The following SYCP1 variants were observed in gnomAD, a reference collection of about 807,000 sequenced individuals.
SYCP1 encodes synaptonemal complex protein 1, also known as cancer/testis antigen 8.
In SYCP1, 64 loss-of-function variants were observed where a neutral mutation model predicts 153.1. The observed-to-expected ratio is 0.42, with a 90% CI of 0.34 to 0.51. The LOEUF (loss-of-function observed/expected upper bound fraction) is 0.51, where lower values mean the gene tolerates loss of function less well. Among genes scored for constraint, SYCP1 ranks in the 20% least tolerant of loss-of-function variants. The pLI, the probability that SYCP1 is intolerant of heterozygous loss-of-function variation, is 0.06. For missense variants in SYCP1, 997 were observed against 1,049.0 expected, an observed-to-expected ratio of 0.95 and a Z score of 0.68; for synonymous variants, 384 against 341.8, an observed-to-expected ratio of 1.12 and a Z score of -1.36.
chr1:114,969,583 C>CA (rs958579365), intron 27 of SYCP1, among the ~76,000 whole-genome samples: 2 of 152,156 alleles, frequency 1.3e-5, no homozygotes, highest in Non-Finnish European at 2.9e-5. Context: ...TGTTGGGCTC[C>CA]ATGGGGATGG....
chr1:114,995,064 TATAGTTA>T lies in SYCP1; in HGVS notation c.*49_*55del. 6.7e-7 allele frequency: 1 copy of T among 1,495,002 alleles called. No homozygotes were observed. Among genetic ancestry groups the T allele is most frequent in the Non-Finnish European group, 8.9e-7 (1 of 1,123,164 alleles). The allele number at this position is 1,495,002 out of a possible 1,614,324, so 92.6% of individuals were successfully genotyped here. On this transcript the variant is annotated 3_prime_UTR_variant, in exon 32 of 32. Coordinates refer to ENST00000369522, the MANE Select transcript of SYCP1 (RefSeq NM_003176.4). ...TTAAGGAGCCTAATAACGTGAAACT[TATAGTTA>T]ATATTTTGTTCTTATTTGCCAGAGC...
At chr1:114,873,852 C>T (rs1463727928) in intron 8 of SYCP1, among the ~76,000 whole-genome samples, 2 of 152,130 alleles carry the variant, frequency 1.3e-5, no homozygotes, top group Admixed American at 6.5e-5. Flanking sequence ...ATGTTTCAGC[C>T]TTCTGAGTAG....
chr1:114,892,483 G>A (rs1161318700), intron 15 of SYCP1, among the ~76,000 whole-genome samples: 2 of 152,228 alleles, frequency 1.3e-5, no homozygotes, highest in Non-Finnish European at 2.9e-5. Context: ...GCTGGGGGCA[G>A]TGAGGTTGCT....
In SYCP1 at chr1:114,911,496, G is replaced by A; in HGVS notation, c.1443G>A (p.Leu481=). 6.4e-7 allele frequency: 1 copy of A among 1,551,980 alleles called. No individual in the cohort carries two copies. The highest frequency in any genetic ancestry group is 8.7e-7 in the Non-Finnish European group (1 of 1,155,060). The stretch of plus-strand genomic sequence containing the variant: ...TTTTGCAGAAAGAAGTACATGATTT[G>A]GAAATACAGTTAACTGCCATTACCA... The part of the protein sequence containing the change: ...LQAREKEVHD[L]EIQLTAITTS... The change falls in exon 18 of 32, where the codon TTG becomes TTA. Residue 481 remains leucine, a synonymous_variant. Transcript: ENST00000369522.
At chr1:114,964,926 A>C (rs990471245) in intron 27 of SYCP1, among the ~76,000 whole-genome samples, 2 of 152,188 alleles carry the variant, frequency 1.3e-5, no homozygotes, top group African/African-American at 4.8e-5. Flanking sequence ...TGATGGGGAT[A>C]GCATTGAATC....
chr1:114,900,781 T>C (rs1259651640), intron 16 of SYCP1, among the ~76,000 whole-genome samples: 1 of 152,220 alleles, frequency 6.6e-6, no homozygotes, highest in African/African-American at 2.4e-5. Flanking sequence ...AGGGTGTGGT[T>C]AGTTCCATAT....
rs887478770 is a variant in SYCP1, at chr1:114,897,217, G to T, written c.1320+1708G>T. 1.1e-4 allele frequency among the ~76,000 whole-genome samples: 16 copies of T among 152,270 alleles called. No individual in the cohort carries two copies. The East Asian group carries it at 3.1e-3, about 29-fold the overall frequency. ...TTGCTTCCTGCTGACAGGAGGTGCT[G>T]TTTTGGGAAAACAGCAGTCAGATCT... is the stretch of plus-strand genomic sequence containing the variant. On this transcript the variant is annotated intron_variant, in intron 16 of 31. Transcript: ENST00000369522.
At chr1:114,973,278 G>C (rs1330552041) in intron 27 of SYCP1, among the ~76,000 whole-genome samples, 4 of 152,034 alleles carry the variant, frequency 2.6e-5, no homozygotes, top group Non-Finnish European at 5.9e-5. Flanking sequence ...TTTATGTCTA[G>C]TATGTTCTGT....
chr1:114,945,544 G>A (rs971938435), intron 25 of SYCP1, among the ~76,000 whole-genome samples: 5 of 151,366 alleles, frequency 3.3e-5, no homozygotes, highest in Admixed American at 1.3e-4. Flanking sequence ...TATTATGAGG[G>A]AAGTGGTGAG....
At chr1:114,980,890 CT>C (rs1030990638) in intron 28 of SYCP1, among the ~76,000 whole-genome samples, 11 of 151,814 alleles carry the variant, frequency 7.2e-5, no homozygotes, top group Admixed American at 3.9e-4. Context: ...GGTATTAAAC[CT>C]ATACCCGTTA....
At chr1:114,936,878 G>T (rs908142244) in intron 23 of SYCP1, among the ~76,000 whole-genome samples, 6 of 152,068 alleles carry the variant, frequency 3.9e-5, no homozygotes, top group African/African-American at 1.4e-4. Flanking sequence ...ACAAACCACT[G>T]CTCAACAAAA....
At chr1:114,985,325 A>T (rs901954288) in intron 30 of SYCP1, among the ~76,000 whole-genome samples, 1 of 152,078 alleles carries the variant, frequency 6.6e-6, no homozygotes, top group Admixed American at 6.6e-5. Flanking sequence ...TAACATTTCC[A>T]TCACTCTAAA....
chr1:114,903,579 C>T (rs1428196632), intron 16 of SYCP1, among the ~76,000 whole-genome samples: 1 of 152,154 alleles, frequency 6.6e-6, no homozygotes, highest in Non-Finnish European at 1.5e-5. Flanking sequence ...AATTCATGGC[C>T]TTGTAAATCA....
intron 13 of SYCP1, 134 bp from the exon 14 acceptor site, chr1:114,885,991 A>G (rs1245441930): frequency 5.4e-6 from 3 of 558,904 alleles, no homozygotes; most frequent in Non-Finnish European, 8.9e-6. Context: ...TGGGCATTCC[A>G]GGGTAGGAAG....
rs1664169781 is a variant in SYCP1 at position 114,858,605 on chromosome 1, A to C, written c.350A>C (p.Lys117Thr). The C allele has an allele frequency of 6.2e-7, 1 of 1,612,974 alleles. No individual in the cohort carries two copies. Among genetic ancestry groups the C allele is most frequent in the Non-Finnish European group, 8.5e-7 (1 of 1,179,434 alleles). Residue 117 changes from lysine to threonine, a missense_variant, in exon 6 of 32, where the codon AAA (lysine) becomes ACA (threonine). This residue lies in a region of SYCP1 where 285 missense variants were observed against 366.1 expected (regional missense o/e 0.78). Transcript: ENST00000369522. Reference sequence around the variant, plus strand: ...CTGTATAAGGAGGCTGAAAAGATAAAAAAATGGAAAGTAAGTACAGAAGCT... The same window carrying C: ...CTGTATAAGGAGGCTGAAAAGATAACAAAATGGAAAGTAAGTACAGAAGCT... ...SKLYKEAEKI[K>T]KWKVSTEAEL...
At position 114,886,319 on chromosome 1, in the gene SYCP1, T is replaced by G. The variant is rs1666298829; in HGVS notation, c.1190+10T>G. 1 of 1,499,736 alleles carries G rather than the reference T, an allele frequency of 6.7e-7. No homozygotes were observed. Among genetic ancestry groups the G allele is most frequent in the Non-Finnish European group, 8.9e-7 (1 of 1,125,376 alleles). The allele number at this position is 1,499,736 out of a possible 1,614,324, so 92.9% of individuals were successfully genotyped here. A position where few individuals can be genotyped will look rare whatever the true frequency, so the allele number is the denominator to read the frequency against. ...GAACAGAACAGCAAAGGTAAAATAT[T>G]TATTATTTTTAATACACAAAATAAG... On this transcript the variant is annotated intron_variant, in intron 14 of 31. Coordinates refer to ENST00000369522, the MANE Select transcript of SYCP1 (RefSeq NM_003176.4).
At chr1:114,872,823 C>T (rs1297641722) in intron 8 of SYCP1, among the ~76,000 whole-genome samples, 1 of 151,940 alleles carries the variant, frequency 6.6e-6, no homozygotes, top group Non-Finnish European at 1.5e-5. Context: ...CTCATTTCTT[C>T]GTTTTATTTT....
chr1:114,866,773 T>A (rs1664773846), intron 8 of SYCP1, among the ~76,000 whole-genome samples: 3 of 151,760 alleles, frequency 2.0e-5, no homozygotes, highest in African/African-American at 7.3e-5. Flanking sequence ...AAAAAAGTCA[T>A]CGTGATACCC....
At chr1:114,958,303 G>A (rs1459896912) in intron 27 of SYCP1, among the ~76,000 whole-genome samples, 1 of 152,098 alleles carries the variant, frequency 6.6e-6, no homozygotes, top group African/African-American at 2.4e-5. Context: ...TGGGGAGGGA[G>A]GGATGAAGAG....
Sources: allele counts gnomAD v4.1 joint callset (sites outside exome capture counted in the v4.1 genomes callset), GRCh38; gene constraint gnomAD v4.1.1; regional missense constraint gnomAD v4.1.1; transcripts MANE v1.5; gene names NCBI Gene and HGNC (gene_info 2026-07-23, HGNC 2026-07-21).